EPHA5: variants seen among roughly 807,000 people sequenced by gnomAD.
EPHA5 encodes the protein EPH receptor A5.
EPHA5 carries 60 observed loss-of-function variants against 105.0 expected under a neutral mutation model. The observed-to-expected ratio is 0.57, with a 90% CI of 0.46 to 0.71. The LOEUF is 0.71. EPHA5 is among the 30% of genes least tolerant of loss of function. The pLI, the probability that EPHA5 is intolerant of heterozygous loss-of-function variation, is 0.00. For synonymous variants in EPHA5, 513 were observed against 449.1 expected (o/e 1.14, Z -1.80); for missense variants, 1,218 against 1,274.7 (o/e 0.96, Z 0.68).
At chr4:65,612,861 G>A (rs1023124834) in intron 2 of EPHA5, among the ~76,000 whole-genome samples, 1 of 152,008 alleles carries the variant, frequency 6.6e-6, no homozygotes, top group Non-Finnish European at 1.5e-5. Flanking sequence ...TTATTTTGCT[G>A]TGCTGAAGCT....
intron 5 of EPHA5, among the ~76,000 whole-genome samples, chr4:65,478,936 C>G (rs1333002884): frequency 1.3e-5 from 2 of 152,114 alleles, no homozygotes; most frequent in Non-Finnish European, 2.9e-5. Flanking sequence ...AAGCTTGAAG[C>G]AGTTGTCTTT....
intron 3 of EPHA5, among the ~76,000 whole-genome samples, chr4:65,575,782 G>C (rs1394999234): frequency 1.3e-5 from 2 of 151,738 alleles, no homozygotes; most frequent in African/African-American, 4.8e-5. Context: ...GACCAGCCCA[G>C]CCTGGTCAAC....
intron 1 of EPHA5, among the ~76,000 whole-genome samples, chr4:65,667,866 A>C (rs1750086162): frequency 6.6e-6 from 1 of 152,182 alleles, no homozygotes; most frequent in African/African-American, 2.4e-5. Context: ...AACCTCTTCA[A>C]ATTCAAACGA....
At chr4:65,523,109 C>A (rs1395793023) in intron 3 of EPHA5, among the ~76,000 whole-genome samples, 1 of 151,676 alleles carries the variant, frequency 6.6e-6, no homozygotes, top group Admixed American at 6.6e-5. Context: ...GTGGTTAGAC[C>A]AAAACGATAT....
intron 5 of EPHA5, among the ~76,000 whole-genome samples, chr4:65,464,925 T>A (rs551410295): frequency 1.3e-5 from 2 of 152,254 alleles, no homozygotes; most frequent in South Asian, 4.1e-4. Context: ...TACTAATCAC[T>A]AACAATTCAG....
chr4:65,522,491 A>G (rs1734850055), intron 3 of EPHA5, among the ~76,000 whole-genome samples: 1 of 151,796 alleles, frequency 6.6e-6, no homozygotes, highest in Non-Finnish European at 1.5e-5. Context: ...GCCACACACA[A>G]TTAGTTATCT....
chr4:65,418,951 T>C (rs1358216491), intron 6 of EPHA5, among the ~76,000 whole-genome samples: 17 of 139,576 alleles, frequency 1.2e-4, no homozygotes, highest in African/African-American at 4.2e-4. Flanking sequence ...TGGTGCGATC[T>C]TGGCTCACTG....
chr4:65,561,746 A>G (rs1183467628), intron 3 of EPHA5, among the ~76,000 whole-genome samples: 1 of 152,110 alleles, frequency 6.6e-6, no homozygotes, highest in East Asian at 1.9e-4. Flanking sequence ...GATCTGTGGT[A>G]TATTTCTTGG....
chr4:65,333,101 G>A (rs372437626), intron 15 of EPHA5, among the ~76,000 whole-genome samples: 2 of 151,724 alleles, frequency 1.3e-5, no homozygotes, highest in African/African-American at 4.8e-5. Context: ...TAATGATGAT[G>A]ATGACTTTTA....
chr4:65,478,860 A>G (rs1354627806), intron 5 of EPHA5, among the ~76,000 whole-genome samples: 1 of 152,174 alleles, frequency 6.6e-6, no homozygotes. Flanking sequence ...TATAAGCTCA[A>G]TATTTTAAGA....
At chr4:65,498,675 T>G (rs1422509562) in intron 3 of EPHA5, among the ~76,000 whole-genome samples, 3 of 151,764 alleles carry the variant, frequency 2.0e-5, no homozygotes, top group African/African-American at 7.2e-5. Context: ...GACTGTAAGG[T>G]ATTTGGCTTA....
chr4:65,519,760 G>T (rs1178944490), intron 3 of EPHA5, among the ~76,000 whole-genome samples: 7 of 152,044 alleles, frequency 4.6e-5, no homozygotes, highest in African/African-American at 1.7e-4. Flanking sequence ...AAAATCATGA[G>T]TGAATGTCCA....
intron 3 of EPHA5, among the ~76,000 whole-genome samples, chr4:65,495,982 A>T (rs1202996150): frequency 1.3e-5 from 2 of 152,192 alleles, no homozygotes; most frequent in African/African-American, 4.8e-5. Flanking sequence ...TGAATAATAA[A>T]TTAATTAATT....
intron 8 of EPHA5, among the ~76,000 whole-genome samples, chr4:65,381,626 T>C (rs1719571737): frequency 6.6e-6 from 1 of 151,838 alleles, no homozygotes; most frequent in Non-Finnish European, 1.5e-5. Context: ...GTTAATAGTT[T>C]TATACATTCC....
chr4:65,642,874 A>C (rs1747785893), intron 2 of EPHA5, among the ~76,000 whole-genome samples: 1 of 151,964 alleles, frequency 6.6e-6, no homozygotes, highest in Non-Finnish European at 1.5e-5. Flanking sequence ...TCTCAATGTC[A>C]TTTAAAGGAA....
chr4:65,353,203 A>G, intron 11 of EPHA5, 100 bp from the exon 12 acceptor site: 2 of 220,416 alleles, frequency 9.1e-6, no homozygotes, highest in Non-Finnish European at 1.8e-5. Flanking sequence ...AAAATTGTAT[A>G]TATATATATA....
intron 3 of EPHA5, among the ~76,000 whole-genome samples, chr4:65,530,227 GA>G (rs1336684811): frequency 6.6e-6 from 1 of 151,956 alleles, no homozygotes; most frequent in Non-Finnish European, 1.5e-5. Context: ...CCCAGTAATA[GA>G]AAAAACATAA....
intron 2 of EPHA5, among the ~76,000 whole-genome samples, chr4:65,603,737 CAT>C (rs1743962456): frequency 2.0e-5 from 3 of 152,170 alleles, no homozygotes; most frequent in Middle Eastern, 6.8e-3. Context: ...AAACAATTTC[CAT>C]ATATGTTATT....
chr4:65,401,621 A>C (rs1008231107), intron 8 of EPHA5, among the ~76,000 whole-genome samples: 2 of 152,316 alleles, frequency 1.3e-5, no homozygotes, highest in African/African-American at 4.8e-5. Context: ...TCCTAGTGTC[A>C]GCATCTTAAA....
Sources: allele counts gnomAD v4.1 joint callset (sites outside exome capture counted in the v4.1 genomes callset), GRCh38; gene constraint gnomAD v4.1.1; transcripts MANE v1.5; gene names NCBI Gene and HGNC (gene_info 2026-07-23, HGNC 2026-07-21).